VPS45: variants seen among roughly 807,000 people sequenced by gnomAD.
VPS45 encodes the protein vacuolar protein sorting 45 homolog, also known as vacuolar protein sorting-associated protein 45.
VPS45 carries 35 observed loss-of-function variants against 75.9 expected under a neutral mutation model. The ratio of observed to expected loss-of-function variants is 0.46; its 90% confidence interval spans 0.35 to 0.61. The LOEUF (loss-of-function observed/expected upper bound fraction) is 0.61, where lower values mean the gene tolerates loss of function less well. VPS45 is among the 20% of genes least tolerant of loss of function. The pLI is 0.00. For synonymous variants in VPS45, 220 were observed against 238.2 expected (o/e 0.92, Z 0.70); for missense variants, 559 against 685.9 (o/e 0.81, Z 2.07).
chr1:150,117,428 A>G (rs1397981568), intron 14 of VPS45, among the ~76,000 whole-genome samples: 2 of 151,870 alleles, frequency 1.3e-5, no homozygotes, highest in African/African-American at 2.4e-5. Flanking sequence ...AGGCTGAGGC[A>G]GGAGAATCGT....
At position 150,121,344 on chromosome 1, in the gene VPS45, T is replaced by C. The variant is rs1658221060; in HGVS notation, c.1625+10717T>C. Among the ~76,000 whole-genome samples the C allele has an allele frequency of 2.0e-5, 3 of 152,212 alleles. No individual in the cohort carries two copies. In the South Asian group the frequency reaches 6.2e-4, roughly 32 times the overall value. On this transcript the variant is annotated intron_variant, in intron 14 of 14. Coordinates refer to ENST00000644510, the MANE Select transcript of VPS45 (RefSeq NM_007259.5). ...ACAGAGACTTCTTTAAAGATATAAC[T>C]GTTGTGCTTTTTTGAAGGCAAAGAA... is the stretch of plus-strand genomic sequence containing the variant.
chr1:150,126,474 A>G (rs1553810762), intron 14 of VPS45, among the ~76,000 whole-genome samples: 1 of 151,960 alleles, frequency 6.6e-6, no homozygotes, highest in Non-Finnish European at 1.5e-5. Flanking sequence ...CGGCCTCCCA[A>G]AGTGCTGGGA....
intron 2 of VPS45, 35 bp from the exon 3 acceptor site, chr1:150,072,131 C>G (rs1032374437): frequency 3.8e-6 from 6 of 1,578,124 alleles, no homozygotes; most frequent in Non-Finnish European, 5.2e-6. Context: ...AAGCAACTCT[C>G]CTCATATTTT....
In VPS45 at chr1:150,113,635, C is replaced by T. The variant is rs1166125259; in HGVS notation, c.1625+3008C>T. On this transcript the variant is annotated intron_variant, in intron 14 of 14. Transcript: ENST00000644510. ...AATAAGCCAGGCGTGGTGGCTCCCA[C>T]CTGTAATCCCAGCACTTTGGGAGGC... Among the ~76,000 whole-genome samples the T allele has an allele frequency of 3.3e-5, 5 of 152,310 alleles. No individual in the cohort carries two copies. In the South Asian group the frequency reaches 8.3e-4, roughly 25 times the overall value.
At chr1:150,068,312 A>G in intron 1 of VPS45, 2 of 363,546 alleles carry the variant, frequency 5.5e-6, no homozygotes, top group Non-Finnish European at 4.9e-6. Flanking sequence ...AGCTGAAATG[A>G]CAGATTATTT....
intron 9 of VPS45, among the ~76,000 whole-genome samples, chr1:150,082,290 T>A (rs1177773584): frequency 6.6e-6 from 1 of 152,170 alleles, no homozygotes; most frequent in Admixed American, 6.5e-5. Flanking sequence ...GTGGATCACC[T>A]GAGGTCGGGA....
At chr1:150,141,098 T>C (rs1659368170) in intron 14 of VPS45, among the ~76,000 whole-genome samples, 1 of 152,216 alleles carries the variant, frequency 6.6e-6, no homozygotes, top group East Asian at 1.9e-4. Context: ...CTATTAATAA[T>C]TTCATCTTAT....
chr1:150,109,791 C>G (rs1212993190), intron 13 of VPS45: 2 of 152,040 alleles, frequency 1.3e-5, no homozygotes, highest in Non-Finnish European at 2.9e-5. Context: ...ACAGTGCTAC[C>G]CAAGTGAAGC....
Position 150,120,712 on chromosome 1 carries a change from T to TTA in VPS45, c.1625+10086_1625+10087insAT, listed in dbSNP as rs148604485. Among the ~76,000 whole-genome samples the TTA allele has an allele frequency of 6.1e-3, 922 of 152,236 alleles. 14 individuals carry two copies. Among genetic ancestry groups the TTA allele is most frequent in the African/African-American group, 0.021 (880 of 41,540 alleles). ...TTCTATATATGCAGGCCTTCCGTAGTTGTATGATTTGTTTCTATAGGGCCT... is the reference window on the plus strand; with the variant it reads ...TTCTATATATGCAGGCCTTCCGTAGTTATGTATGATTTGTTTCTATAGGGCCT... On this transcript the variant is annotated intron_variant, in intron 14 of 14. Coordinates refer to ENST00000644510, the MANE Select transcript of VPS45 (RefSeq NM_007259.5).
At chr1:150,099,521 C>A (rs1487550743) in intron 13 of VPS45, among the ~76,000 whole-genome samples, 2 of 122,148 alleles carry the variant, frequency 1.6e-5, no homozygotes, top group African/African-American at 3.1e-5. Context: ...AAAAAAAAAA[C>A]ACCTCTCAAC....
intron 14 of VPS45, among the ~76,000 whole-genome samples, chr1:150,142,139 A>G (rs1559951208): frequency 6.6e-6 from 1 of 152,218 alleles, no homozygotes; most frequent in South Asian, 2.1e-4. Context: ...GCTGGTAAAT[A>G]TAAATAGTAA....
intron 7 of VPS45, among the ~76,000 whole-genome samples, chr1:150,078,398 T>G (rs1655514453): frequency 6.6e-6 from 1 of 152,204 alleles, no homozygotes; most frequent in African/African-American, 2.4e-5. Context: ...TGTGACTGCT[T>G]TCTAAACTCT....
intron 14 of VPS45, among the ~76,000 whole-genome samples, chr1:150,130,579 AATTAT>A (rs1326310081): frequency 1.1e-4 from 16 of 152,282 alleles, no homozygotes; most frequent in African/African-American, 2.6e-4. Flanking sequence ...TTAATAACTG[AATTAT>A]ATTCTATTAA....
chr1:150,070,965 C>T (rs950511355), intron 2 of VPS45, among the ~76,000 whole-genome samples: 2 of 151,590 alleles, frequency 1.3e-5, no homozygotes, highest in Non-Finnish European at 2.9e-5. Flanking sequence ...TAGCATATTA[C>T]GAGGAAGTAA....
chr1:150,119,500 G>C (rs1480317562), intron 14 of VPS45, among the ~76,000 whole-genome samples: 1 of 152,184 alleles, frequency 6.6e-6, no homozygotes, highest in Non-Finnish European at 1.5e-5. Flanking sequence ...GACCTCAAGA[G>C]CTCTGCAGCA....
intron 13 of VPS45, 91 bp downstream of exon 13, chr1:150,093,739 A>G: frequency 6.9e-7 from 1 of 1,448,902 alleles, no homozygotes. Context: ...CTGAGGTTAT[A>G]GCATTCTGCT....
intron 10 of VPS45, among the ~76,000 whole-genome samples, chr1:150,091,218 TG>T (rs1656308466): frequency 6.6e-6 from 1 of 152,240 alleles, no homozygotes; most frequent in Non-Finnish European, 1.5e-5. Flanking sequence ...AACTTATCTG[TG>T]TGCCTGCAAC....
chr1:150,105,660 A>G (rs1201632488), intron 13 of VPS45, among the ~76,000 whole-genome samples: 1 of 152,236 alleles, frequency 6.6e-6, no homozygotes. Flanking sequence ...GATTGGAAGA[A>G]TCAATATTAA....
chr1:150,114,467 CAA>C (rs1281790882), intron 14 of VPS45, among the ~76,000 whole-genome samples: 367 of 122,674 alleles, frequency 3.0e-3, no homozygotes, highest in Middle Eastern at 7.7e-3. Context: ...AACACCATCT[CAA>C]AAAAAAAAAA....
Sources: allele counts gnomAD v4.1 joint callset (sites outside exome capture counted in the v4.1 genomes callset), GRCh38; gene constraint gnomAD v4.1.1; transcripts MANE v1.5; gene names NCBI Gene and HGNC (gene_info 2026-07-23, HGNC 2026-07-21).